Variants in ANTXR2 observed in about 807,000 individuals in gnomAD.
ANTXR2 encodes the protein anthrax toxin receptor 2.
A neutral mutation model predicts 73.7 loss-of-function variants in ANTXR2; 44 were observed. The ratio of observed to expected loss-of-function variants is 0.60; its 90% CI spans 0.47 to 0.77. The LOEUF (loss-of-function observed/expected upper bound fraction) is 0.77, where lower values mean the gene tolerates loss of function less well. ANTXR2 is among the 30% of genes least tolerant of loss of function. The pLI, the probability that ANTXR2 is intolerant of heterozygous loss-of-function variation, is 0.00. For missense variants in ANTXR2, 604 were observed against 592.5 expected (o/e 1.02, Z -0.20); for synonymous variants, 217 against 205.9 (o/e 1.05, Z -0.46).
chr4:79,927,307 C>CACACACACACACACAT (rs1447418418), intron 16 of ANTXR2, among the ~76,000 whole-genome samples: 106 of 151,898 alleles, frequency 7.0e-4, no homozygotes, highest in African/African-American at 2.5e-3. Context: ...CACACACACA[C>CACACACACACACACAT]ACACGCACTC....
intron 16 of ANTXR2, among the ~76,000 whole-genome samples, chr4:79,948,854 T>C (rs1164447800): frequency 6.6e-6 from 1 of 152,120 alleles, no homozygotes; most frequent in East Asian, 1.9e-4. Context: ...GATCTTTGAA[T>C]TAAAGCAAAG....
chr4:80,049,033 T>C (rs1180883373), intron 7 of ANTXR2, among the ~76,000 whole-genome samples: 1 of 151,742 alleles, frequency 6.6e-6, no homozygotes, highest in Non-Finnish European at 1.5e-5. Context: ...ACCTAGGATG[T>C]AGTGTTCTCA....
chr4:80,042,621 T>G (rs1733321289), intron 7 of ANTXR2, among the ~76,000 whole-genome samples: 1 of 152,070 alleles, frequency 6.6e-6, no homozygotes, highest in Non-Finnish European at 1.5e-5. Flanking sequence ...TCTTATCTCA[T>G]GAACTCATTC....
chr4:80,003,273 A>C (rs965070762), intron 12 of ANTXR2, among the ~76,000 whole-genome samples: 13 of 151,742 alleles, frequency 8.6e-5, no homozygotes, highest in African/African-American at 3.1e-4. Flanking sequence ...GACATGGATG[A>C]AATTGGAAAT....
At position 79,928,076 on chromosome 4, in the gene ANTXR2, C is replaced by T. The variant is rs201110541; in HGVS notation, c.1429-20609G>A. 3.3e-5 allele frequency among the ~76,000 whole-genome samples: 5 copies of T among 152,318 alleles called. No homozygotes were observed. In the East Asian group the frequency reaches 9.6e-4, roughly 29 times the overall value. ...ATTTGTACACCCATATTCATAGAAG[C>T]ATTACTCATAACTGCCAAAAAGTAG... On this transcript the variant is annotated intron_variant, in intron 16 of 16. Coordinates refer to ENST00000403729, the MANE Select transcript of ANTXR2 (RefSeq NM_058172.6).
chr4:80,037,912 C>T lies in ANTXR2; in HGVS notation c.637-1880G>A, dbSNP rs550832683. 5.9e-4 allele frequency among the ~76,000 whole-genome samples: 90 copies of T among 152,150 alleles called. No homozygotes were observed. The South Asian group carries it at 8.9e-3, about 15-fold the overall frequency. On this transcript the variant is annotated intron_variant, in intron 7 of 16. Coordinates refer to ENST00000403729, the MANE Select transcript of ANTXR2 (RefSeq NM_058172.6). ...GAAGGTTAAAGGAAAACACAAAACC[C>T]CCAAATCTATTTTGTCTGTCATCAG... is the stretch of plus-strand genomic sequence containing the variant.
In ANTXR2 at chr4:79,951,291, A is replaced by G. The variant is rs191332420; in HGVS notation, c.1428+26330T>C. 5.0e-3 allele frequency among the ~76,000 whole-genome samples: 762 copies of G among 152,252 alleles called. 5 individuals are homozygous for G. Among genetic ancestry groups the G allele is most frequent in the Admixed American group, 0.011 (171 of 15,282 alleles). On this transcript the variant is annotated intron_variant, in intron 16 of 16. Transcript: ENST00000403729. ...TATACTACATTCTCCAGAACTGAACAGGACTCTGCTGGGCGTGGTGGCTCA... is the reference window on the plus strand; with the variant it reads ...TATACTACATTCTCCAGAACTGAACGGGACTCTGCTGGGCGTGGTGGCTCA...
At chr4:80,062,462 C>T (rs1253657636) in intron 3 of ANTXR2, among the ~76,000 whole-genome samples, 1 of 152,158 alleles carries the variant, frequency 6.6e-6, no homozygotes, top group Non-Finnish European at 1.5e-5. Context: ...CTAGAACATG[C>T]TCATAAAACA....
intron 16 of ANTXR2, among the ~76,000 whole-genome samples, chr4:79,976,057 C>T (rs1412165341): frequency 2.0e-5 from 3 of 152,034 alleles, no homozygotes; most frequent in Non-Finnish European, 2.9e-5. Context: ...GGACTACAGG[C>T]GCCCGCCACC....
At chr4:80,054,180 T>C in intron 7 of ANTXR2, 92 bp downstream of exon 7, 1 of 955,032 alleles carries the variant, frequency 1.0e-6, no homozygotes, top group Non-Finnish European at 1.6e-6. Flanking sequence ...CTCTAGATAA[T>C]GACCACCTGC....
chr4:80,036,821 A>G (rs1157593679), intron 7 of ANTXR2, among the ~76,000 whole-genome samples: 1 of 152,096 alleles, frequency 6.6e-6, no homozygotes, highest in East Asian at 1.9e-4. Flanking sequence ...AAAATTAAAA[A>G]GCACTTCTCT....
At position 79,903,701 on chromosome 4, in the gene ANTXR2, C is replaced by T. The variant is rs1295033443; in HGVS notation, c.*3728G>A. On this transcript the variant is annotated 3_prime_UTR_variant, in exon 17 of 17. Transcript: ENST00000403729. ...TCTAACTCTAAACTAGAATATGCGT[C>T]TGCACTGACTTTATTTCCTACAAAT... is the stretch of plus-strand genomic sequence containing the variant. The T allele has an allele frequency of 6.6e-6, 1 of 152,170 alleles. No homozygotes were observed. Among genetic ancestry groups the T allele is most frequent in the African/African-American group, 2.4e-5 (1 of 41,448 alleles). 9.4% of individuals were successfully genotyped at this position (152,170 alleles called of 1,614,324 possible). A position where few individuals can be genotyped will look rare whatever the true frequency, so the allele number is the denominator to read the frequency against.
At chr4:80,056,662 T>C (rs36071483) in intron 3 of ANTXR2, among the ~76,000 whole-genome samples, 72,899 of 151,614 alleles carry the variant, frequency 0.48, 17,949 homozygotes, top group Non-Finnish European at 0.52. Flanking sequence ...GATGAATGTA[T>C]GGATAGATGG....
At chr4:80,029,557 A>G (rs1437511974) in intron 10 of ANTXR2, among the ~76,000 whole-genome samples, 6 of 152,068 alleles carry the variant, frequency 3.9e-5, no homozygotes, top group Non-Finnish European at 4.4e-5. Flanking sequence ...AAGTGCTAGT[A>G]ATACAACAAG....
intron 12 of ANTXR2, among the ~76,000 whole-genome samples, chr4:79,985,292 G>T (rs745311224): frequency 6.6e-6 from 1 of 151,680 alleles, no homozygotes; most frequent in Non-Finnish European, 1.5e-5. Flanking sequence ...AGAGCTTGCA[G>T]TGTGCCGAGA....
At chr4:79,984,715 T>C (rs903522460) in intron 13 of ANTXR2, 104 bp downstream of exon 13, 76 of 953,600 alleles carry the variant, frequency 8.0e-5, no homozygotes, top group Non-Finnish European at 1.2e-4. Flanking sequence ...AGTCAGTACA[T>C]AGGTATCATA....
At chr4:80,068,102 A>G (rs957295383) in intron 3 of ANTXR2, among the ~76,000 whole-genome samples, 1 of 152,246 alleles carries the variant, frequency 6.6e-6, no homozygotes, top group Non-Finnish European at 1.5e-5. Flanking sequence ...AAGGAAAACT[A>G]AAAGCACAAA....
At chr4:79,932,125 G>T (rs916850583) in intron 16 of ANTXR2, among the ~76,000 whole-genome samples, 4 of 152,072 alleles carry the variant, frequency 2.6e-5, no homozygotes, top group Non-Finnish European at 4.4e-5. Context: ...CTTGTTCACT[G>T]ATCTCTCACA....
At chr4:80,023,774 G>C (rs1464718845) in intron 10 of ANTXR2, among the ~76,000 whole-genome samples, 1 of 152,184 alleles carries the variant, frequency 6.6e-6, no homozygotes, top group Non-Finnish European at 1.5e-5. Context: ...AGTCAAGGCA[G>C]TAAAAGTGAT....
Sources: allele counts gnomAD v4.1 joint callset (sites outside exome capture counted in the v4.1 genomes callset), GRCh38; gene constraint gnomAD v4.1.1; transcripts MANE v1.5; gene names NCBI Gene and HGNC (gene_info 2026-07-23, HGNC 2026-07-21).